Variants in RMDN2 observed in about 807,000 individuals in gnomAD.
The protein encoded by RMDN2 is regulator of microtubule dynamics protein 2.
RMDN2 carries 61 observed loss-of-function variants against 52.8 expected under a neutral mutation model. That is an observed-to-expected ratio of 1.16 (90% CI 0.94 to 1.43). The LOEUF is 1.43. Among genes scored for constraint, RMDN2 ranks in the 40% most tolerant of loss-of-function variants. The pLI is 0.00. For missense variants in RMDN2, 592 were observed against 475.3 expected (o/e 1.25, Z -2.28); for synonymous variants, 180 against 153.1 (o/e 1.18, Z -1.30).
At chr2:37,984,993 A>G (rs1442704969) in intron 5 of RMDN2, among the ~76,000 whole-genome samples, 1 of 152,196 alleles carries the variant, frequency 6.6e-6, no homozygotes, top group Non-Finnish European at 1.5e-5. Context: ...GATACATAAA[A>G]TGATAGATAA....
At chr2:37,957,332 T>C (rs1460165904) in intron 2 of RMDN2, among the ~76,000 whole-genome samples, 1 of 152,236 alleles carries the variant, frequency 6.6e-6, no homozygotes, top group Non-Finnish European at 1.5e-5. Context: ...TTTCTGACTT[T>C]TTAATTATTG....
intron 10 of RMDN2, chr2:38,032,755 C>G (rs1680299773): frequency 6.6e-6 from 1 of 152,386 alleles, no homozygotes; most frequent in Non-Finnish European, 1.5e-5. Flanking sequence ...AGGAGAATCG[C>G]TTGAACCTGG....
At chr2:37,928,266 T>G (rs913370956) in intron 1 of RMDN2, among the ~76,000 whole-genome samples, 3 of 152,178 alleles carry the variant, frequency 2.0e-5, no homozygotes, top group African/African-American at 7.2e-5. Flanking sequence ...TTTTCAGAAA[T>G]AGATTATGGC....
rs545676806 is a variant in RMDN2 at position 38,041,576 on chromosome 2, G to A, written c.1714-25406G>A. ...ACCATTAACTATGATGTTAACTGTC[G>A]GCCTTTTGTAGATCTTCTTTATCAA... is the stretch of plus-strand genomic sequence containing the variant. On this transcript the variant is annotated intron_variant, in intron 10 of 10. Transcript: ENST00000234195. Among the ~76,000 whole-genome samples, 12 of 151,826 alleles carry A rather than the reference G, an allele frequency of 7.9e-5. No individual in the cohort carries two copies. The East Asian group carries it at 1.9e-3, about 24-fold the overall frequency.
intron 2 of RMDN2, among the ~76,000 whole-genome samples, chr2:37,943,988 G>C (rs553058727): frequency 6.6e-6 from 1 of 151,916 alleles, no homozygotes; most frequent in South Asian, 2.1e-4. Flanking sequence ...TGCATATTTT[G>C]TGTAACTTCA....
chr2:37,994,415 C>G (rs556664072), intron 7 of RMDN2, among the ~76,000 whole-genome samples: 1 of 152,196 alleles, frequency 6.6e-6, no homozygotes, highest in East Asian at 1.9e-4. Context: ...GTCAGGCAGT[C>G]TTTATAACAT....
At position 38,051,915 on chromosome 2, in the gene RMDN2, C is replaced by T. The variant is rs372602594; in HGVS notation, c.1714-15067C>T. Among the ~76,000 whole-genome samples, 51 of 152,096 alleles carry T rather than the reference C, an allele frequency of 3.4e-4. No homozygotes were observed. The South Asian group carries it at 8.9e-3, about 27-fold the overall frequency. On this transcript the variant is annotated intron_variant, in intron 10 of 10. Coordinates refer to the RMDN2 transcript ENST00000234195. ...ATATACCACACTTTTTAAATCCATT[C>T]GTCTGTTGATGGACATGCAGGTTGA...
At chr2:37,934,956 T>C (rs1667164516) in intron 2 of RMDN2, among the ~76,000 whole-genome samples, 1 of 152,222 alleles carries the variant, frequency 6.6e-6, no homozygotes, top group Admixed American at 6.5e-5. Flanking sequence ...CAGTTGAAAG[T>C]AACAAATTCA....
At chr2:37,935,847 A>G (rs78007521) in intron 2 of RMDN2, among the ~76,000 whole-genome samples, 8,428 of 152,216 alleles carry the variant, frequency 0.055, 267 homozygotes, top group East Asian at 0.099. Flanking sequence ...TTGAATGAAT[A>G]TACCTTAATT....
intron 10 of RMDN2, among the ~76,000 whole-genome samples, chr2:38,057,499 G>C (rs1681892928): frequency 6.6e-6 from 1 of 152,096 alleles, no homozygotes; most frequent in Non-Finnish European, 1.5e-5. Context: ...TTGGACCATG[G>C]GCCATAGTTT....
intron 10 of RMDN2, among the ~76,000 whole-genome samples, chr2:38,040,963 AT>A (rs1680910763): frequency 6.6e-6 from 1 of 152,078 alleles, no homozygotes; most frequent in Non-Finnish European, 1.5e-5. Context: ...TAGGTATTTC[AT>A]TTTTGTGCTA....
chr2:37,955,747 T>TC (rs996090327), intron 2 of RMDN2, among the ~76,000 whole-genome samples: 2 of 152,150 alleles, frequency 1.3e-5, no homozygotes, highest in African/African-American at 2.4e-5. Flanking sequence ...TTCTGAGGCC[T>TC]CCCCAGCTAT....
Position 37,929,697 on chromosome 2 carries a change from T to C in RMDN2, c.420T>C (p.Ser140=). ...CCACAATTCAAAGTTCAGCAACAAGTAATAGTTCAGAGGAAGCAGAAAGTG... is the reference window on the plus strand; with the variant it reads ...CCACAATTCAAAGTTCAGCAACAAGCAATAGTTCAGAGGAAGCAGAAAGTG... The part of the protein sequence containing the change: ...RLPTIQSSAT[S]NSSEEAESEG... Residue 140 remains serine (S), a synonymous_variant, in exon 2 of 11, where the codon AGT becomes AGC. Transcript: ENST00000354545. 2 of 1,525,234 alleles carry C rather than the reference T, an allele frequency of 1.3e-6. No individual in the cohort carries two copies. The highest frequency in any genetic ancestry group is 1.8e-6 in the Non-Finnish European group (2 of 1,139,844). 94.5% of individuals were successfully genotyped at this position (1,525,234 alleles called of 1,614,324 possible).
intron 2 of RMDN2, among the ~76,000 whole-genome samples, chr2:37,937,773 C>T (rs1422186561): frequency 6.6e-6 from 1 of 152,166 alleles, no homozygotes; most frequent in Admixed American, 6.5e-5. Context: ...TGCTTATCAG[C>T]TTAAGGAGAT....
At chr2:37,995,220 T>C (rs1012628134) in intron 7 of RMDN2, among the ~76,000 whole-genome samples, 33 of 152,086 alleles carry the variant, frequency 2.2e-4, no homozygotes, top group African/African-American at 7.5e-4. Flanking sequence ...AGAAAAGTTA[T>C]ATCAAATAGT....
chr2:37,982,617 G>T (rs1344231025), intron 5 of RMDN2, among the ~76,000 whole-genome samples: 2 of 152,036 alleles, frequency 1.3e-5, no homozygotes, highest in Non-Finnish European at 2.9e-5. Flanking sequence ...AGTGTGTCGC[G>T]GATGGATAGT....
intron 2 of RMDN2, among the ~76,000 whole-genome samples, chr2:37,942,701 T>C (rs2124931865): frequency 6.6e-6 from 1 of 152,308 alleles, no homozygotes; most frequent in African/African-American, 2.4e-5. Context: ...CATTTGCCAT[T>C]TAGTCCTCTC....
intron 10 of RMDN2, among the ~76,000 whole-genome samples, chr2:38,034,083 G>A (rs1020725157): frequency 5.9e-5 from 9 of 152,320 alleles, no homozygotes; most frequent in Non-Finnish European, 1.2e-4. Context: ...CATCTACTCA[G>A]AAAGACTTCT....
At chr2:38,047,615 T>G (rs940956503) in intron 10 of RMDN2, among the ~76,000 whole-genome samples, 4 of 152,212 alleles carry the variant, frequency 2.6e-5, no homozygotes, top group African/African-American at 9.6e-5. Flanking sequence ...AAACAATTTT[T>G]TGTTGTGGTT....
Sources: allele counts gnomAD v4.1 joint callset (sites outside exome capture counted in the v4.1 genomes callset), GRCh38; gene constraint gnomAD v4.1.1; transcripts MANE v1.5; gene names NCBI Gene and HGNC (gene_info 2026-07-23, HGNC 2026-07-21).